The following SLC15A4 variants were observed in gnomAD, a reference collection of about 807,000 sequenced individuals.
SLC15A4 encodes hPHT1.
In SLC15A4, 26 loss-of-function variants were observed where a neutral mutation model predicts 46.1. The ratio of observed to expected loss-of-function variants is 0.56; its 90% confidence interval spans 0.41 to 0.78. The LOEUF is 0.78. Ranked by LOEUF, SLC15A4 falls within the 30% of genes least tolerant of loss-of-function variation. The probability of loss-of-function intolerance (pLI) is 0.00; values close to 1 mark genes in which losing one functional copy is unlikely to be tolerated. For missense variants in SLC15A4, 751 were observed against 755.7 expected (o/e 0.99, Z 0.07); for synonymous variants, 370 against 333.4 (o/e 1.11, Z -1.20).
chr12:128,804,817 A>G (rs1243027406), intron 5 of SLC15A4, among the ~76,000 whole-genome samples: 3 of 152,370 alleles, frequency 2.0e-5, no homozygotes, highest in Non-Finnish European at 4.4e-5. Context: ...GAACTCCTTG[A>G]GAACAGAAAG....
intron 4 of SLC15A4, 193 bp downstream of exon 4, chr12:128,809,203 T>C: frequency 1.0e-5 from 6 of 590,838 alleles, no homozygotes; most frequent in Non-Finnish European, 1.8e-5. Context: ...GAATTGATGT[T>C]AGTCAACCTA....
At chr12:128,803,683 T>C (rs1955545289) in intron 5 of SLC15A4, among the ~76,000 whole-genome samples, 1 of 152,232 alleles carries the variant, frequency 6.6e-6, no homozygotes. Context: ...ACACTTCTTT[T>C]TGTCCTTGTC....
intron 3 of SLC15A4, 108 bp downstream of exon 3, chr12:128,809,835 G>T: frequency 1.7e-6 from 2 of 1,157,048 alleles, no homozygotes; most frequent in Non-Finnish European, 2.4e-6. Flanking sequence ...TAGACTCATG[G>T]GAAAAAAAAT....
Position 128,794,062 on chromosome 12 carries a change from AATCAATCCAGGC to A in SLC15A4, c.*122_*133del. 1 of 923,098 alleles carries A rather than the reference AATCAATCCAGGC, an allele frequency of 1.1e-6. No individual in the cohort carries two copies. 57.2% of individuals were successfully genotyped at this position (923,098 alleles called of 1,614,324 possible). A position where few individuals can be genotyped will look rare whatever the true frequency, so the allele number is the denominator to read the frequency against. ...CTCCTTTGGATAGAGGGAAAGAAGA[AATCAATCCAGGC>A]AACATGCAAGTTTCAGTGAAGTCAG... On this transcript the variant is annotated 3_prime_UTR_variant, in exon 8 of 8. Coordinates refer to ENST00000266771, the MANE Select transcript of SLC15A4 (RefSeq NM_145648.4).
At chr12:128,802,631 G>T (rs1444285666) in intron 5 of SLC15A4, among the ~76,000 whole-genome samples, 2 of 152,208 alleles carry the variant, frequency 1.3e-5, no homozygotes, top group Admixed American at 6.5e-5. Context: ...ACAATAAGTA[G>T]ATTTTATAAC....
rs1955589679 is a variant in SLC15A4, at chr12:128,806,356, C to T, written c.1258+2432G>A. 4.6e-5 allele frequency among the ~76,000 whole-genome samples: 7 copies of T among 151,870 alleles called. 1 individual carries two copies. The South Asian group carries it at 1.5e-3, about 32-fold the overall frequency. ...ATAACGTGTTAAAACAATAATATAC[C>T]ATTTTTCAACCCTTCAGCTAAGAAA... is the stretch of plus-strand genomic sequence containing the variant. On this transcript the variant is annotated intron_variant, in intron 5 of 7. Coordinates refer to ENST00000266771, the MANE Select transcript of SLC15A4 (RefSeq NM_145648.4).
At position 128,823,502 on chromosome 12, in the gene SLC15A4, C is replaced by T. The variant is rs753741475; in HGVS notation, c.442G>A (p.Ala148Thr). 2.5e-5 allele frequency: 37 copies of T among 1,483,992 alleles called. No individual in the cohort carries two copies. In the South Asian group the frequency reaches 4.1e-4, roughly 16 times the overall value. 91.9% of individuals were successfully genotyped at this position (1,483,992 alleles called of 1,614,324 possible). A position where few individuals can be genotyped will look rare whatever the true frequency, so the allele number is the denominator to read the frequency against. Residue 148 changes from alanine to threonine, a missense_variant, in exon 1 of 8, where the codon GCC (alanine) becomes ACC (threonine). By Grantham distance (58) the Ala-to-Thr change is moderately conservative (BLOSUM62 0). Coordinates refer to ENST00000266771, the MANE Select transcript of SLC15A4 (RefSeq NM_145648.4). ...LLNCTAPGPD[A>T]AARCCSPATF... ...GCCGGTGAGCAGCAGCGGGCGGCGGCGTCGGGACCAGGCGCCGTGCAGTTG... is the reference window on the plus strand; with the variant it reads ...GCCGGTGAGCAGCAGCGGGCGGCGGTGTCGGGACCAGGCGCCGTGCAGTTG...
intron 5 of SLC15A4, 23 bp from the exon 6 acceptor site, chr12:128,801,032 T>A (rs1955513113): frequency 6.4e-7 from 1 of 1,568,746 alleles, no homozygotes; most frequent in Admixed American, 1.9e-5. Flanking sequence ...AGTAGGTTAG[T>A]GTAATATTCA....
At chr12:128,798,608 G>C (rs1344594755) in intron 7 of SLC15A4, among the ~76,000 whole-genome samples, 2 of 152,222 alleles carry the variant, frequency 1.3e-5, no homozygotes, top group African/African-American at 4.8e-5. Context: ...TGTTTCTGTA[G>C]ATAAAATATT....
intron 1 of SLC15A4, 46 bp downstream of exon 1, chr12:128,823,352 C>A: frequency 7.4e-7 from 1 of 1,350,922 alleles, no homozygotes; most frequent in East Asian, 3.1e-5. Context: ...TGGGGCTGGG[C>A]AGGGGCTGGA....
intron 2 of SLC15A4, among the ~76,000 whole-genome samples, chr12:128,810,956 C>T (rs531325909): frequency 6.6e-6 from 1 of 152,210 alleles, no homozygotes; most frequent in Non-Finnish European, 1.5e-5. Flanking sequence ...CACCACTGTC[C>T]CTCCACTCCC....
chr12:128,821,899 A>AAAAG (rs1031175462), intron 1 of SLC15A4, among the ~76,000 whole-genome samples: 1 of 110,222 alleles, frequency 9.1e-6, no homozygotes, highest in African/African-American at 3.0e-5. Context: ...AAAAAAAAAA[A>AAAAG]AAAGAAAGAA....
At position 128,823,406 on chromosome 12, in the gene SLC15A4, C is replaced by T; in HGVS notation, c.538G>A (p.Ala180Thr). ...TVKANITPFG[A>T]DQVKDRGPEA... is the part of the protein sequence containing the mutation. Reference sequence around the variant, plus strand: ...GCGGGGGCGCGGCTCACCTGGTCGGCGCCGAAGGGCGTGATGTTGGCCTTG... The same window carrying T: ...GCGGGGGCGCGGCTCACCTGGTCGGTGCCGAAGGGCGTGATGTTGGCCTTG... Residue 180 changes from alanine to threonine, a missense_variant, in exon 1 of 8, where the codon GCC becomes ACC. Physicochemically the swap from Ala to Thr is moderately conservative, Grantham distance 58 (BLOSUM62 0). Transcript: ENST00000266771. 7.0e-7 allele frequency: 1 copy of T among 1,437,752 alleles called. No individual in the cohort carries two copies. The highest frequency in any genetic ancestry group is 2.9e-5 in the East Asian group (1 of 34,358). The allele number at this position is 1,437,752 out of a possible 1,614,324, so 89.1% of individuals were successfully genotyped here. A position where few individuals can be genotyped will look rare whatever the true frequency, so the allele number is the denominator to read the frequency against.
In SLC15A4 at chr12:128,799,291, G is replaced by A; in HGVS notation, c.1541C>T (p.Ala514Val). 1 of 1,614,166 alleles carries A rather than the reference G, an allele frequency of 6.2e-7. No homozygotes were observed. Among genetic ancestry groups the A allele is most frequent in the Non-Finnish European group, 8.5e-7 (1 of 1,180,036 alleles). The part of the protein sequence containing the change: ...SGLLALVSIK[A>V]IGWMSSHTDF... ...TGTGTGACTGCTCATCCATCCGATGGCTTTGATAGACACCAGTGCCAGCAG... is the reference window on the plus strand; with the variant it reads ...TGTGTGACTGCTCATCCATCCGATGACTTTGATAGACACCAGTGCCAGCAG... Residue 514 changes from alanine to valine, a missense_variant, in exon 7 of 8, where the codon GCC (alanine) becomes GTC (valine). By Grantham distance (64) the Ala-to-Val change is moderately conservative (BLOSUM62 0). Coordinates refer to ENST00000266771, the MANE Select transcript of SLC15A4 (RefSeq NM_145648.4).
chr12:128,818,929 T>C (rs1438967818), intron 1 of SLC15A4, among the ~76,000 whole-genome samples: 1 of 152,230 alleles, frequency 6.6e-6, no homozygotes, highest in Non-Finnish European at 1.5e-5. Flanking sequence ...CAGTACTTCA[T>C]TTCTTTTTTA....
Position 128,809,580 on chromosome 12 carries a change from T to C in SLC15A4, c.1012-107A>G. 3 of 691,478 alleles carry C rather than the reference T, an allele frequency of 4.3e-6. No homozygotes were observed. The South Asian group carries it at 5.8e-5, about 13-fold the overall frequency. The allele number at this position is 691,478 out of a possible 1,614,324, so 42.8% of individuals were successfully genotyped here. ...AGACTCAGATGCGACACACAGTGACTCCCAGAAATAGACAATGGCTCAAGT... is the reference window on the plus strand; with the variant it reads ...AGACTCAGATGCGACACACAGTGACCCCCAGAAATAGACAATGGCTCAAGT... On this transcript the variant is annotated intron_variant, in intron 3 of 7. Transcript: ENST00000266771.
intron 2 of SLC15A4, among the ~76,000 whole-genome samples, chr12:128,811,577 CA>C (rs1244349491): frequency 1.3e-5 from 2 of 152,258 alleles, no homozygotes; most frequent in East Asian, 3.9e-4. Flanking sequence ...CAAAAACACC[CA>C]AAAGTGAAAA....
In SLC15A4 at chr12:128,823,617, G is replaced by C; in HGVS notation, c.327C>G (p.Ser109Arg). The C allele has an allele frequency of 6.8e-7, 1 of 1,470,546 alleles. No homozygotes were observed. The highest frequency in any genetic ancestry group is 9.0e-7 in the Non-Finnish European group (1 of 1,116,136). The allele number at this position is 1,470,546 out of a possible 1,614,324, so 91.1% of individuals were successfully genotyped here. A position where few individuals can be genotyped will look rare whatever the true frequency, so the allele number is the denominator to read the frequency against. Reference sequence around the variant, plus strand: ...GCATGCCCAGCAGGTAGAGCGCCAGGCTCAGCAGGATGGCGCGCGCCCGGC... The same window carrying C: ...GCATGCCCAGCAGGTAGAGCGCCAGCCTCAGCAGGATGGCGCGCGCCCGGC... ...RLGRARAILL[S>R]LALYLLGMLA... The change falls in exon 1 of 8, where the codon AGC becomes AGG. Residue 109 changes from serine to arginine, a missense_variant. Physicochemically the swap from Ser to Arg is moderately radical, Grantham distance 110. Transcript: ENST00000266771.
chr12:128,795,808 C>T (rs1192925711), intron 7 of SLC15A4, among the ~76,000 whole-genome samples: 2 of 152,240 alleles, frequency 1.3e-5, no homozygotes, highest in Non-Finnish European at 2.9e-5. Context: ...CTCTCCACCA[C>T]GGCTGCTCCT....
Sources: allele counts gnomAD v4.1 joint callset (sites outside exome capture counted in the v4.1 genomes callset), GRCh38; gene constraint gnomAD v4.1.1; transcripts MANE v1.5; gene names NCBI Gene and HGNC (gene_info 2026-07-23, HGNC 2026-07-21).